Variants in THSD4 observed in about 807,000 individuals in gnomAD.
THSD4 encodes thrombospondin type-1 domain-containing protein 4.
A neutral mutation model predicts 119.0 loss-of-function variants in THSD4; 69 were observed. The ratio of observed to expected loss-of-function variants is 0.58; its 90% CI spans 0.48 to 0.71. The LOEUF is 0.71. Among genes scored for constraint, THSD4 ranks in the 30% least tolerant of loss-of-function variants. The probability of loss-of-function intolerance (pLI) is 0.00; values close to 1 mark genes in which losing one functional copy is unlikely to be tolerated. For synonymous variants in THSD4, 524 were observed against 540.4 expected (o/e 0.97, Z 0.42); for missense variants, 1,393 against 1,391.1 (o/e 1.00, Z -0.02).
chr15:71,204,312 C>G (rs141388476), intron 3 of THSD4, among the ~76,000 whole-genome samples: 1 of 152,124 alleles, frequency 6.6e-6, no homozygotes, highest in Non-Finnish European at 1.5e-5. Context: ...CTCATTGCAT[C>G]GTAGTTTTGG....
At chr15:71,246,169 C>T (rs1465853628) in intron 5 of THSD4, among the ~76,000 whole-genome samples, 1 of 152,172 alleles carries the variant, frequency 6.6e-6, no homozygotes, top group Non-Finnish European at 1.5e-5. Context: ...CTAATGATCC[C>T]TACCGTGTAG....
chr15:71,190,077 C>T (rs907735035), intron 3 of THSD4, among the ~76,000 whole-genome samples: 1 of 152,198 alleles, frequency 6.6e-6, no homozygotes, highest in Non-Finnish European at 1.5e-5. Context: ...AGCCATCCCC[C>T]CTTCCTCGAA....
intron 7 of THSD4, among the ~76,000 whole-genome samples, chr15:71,653,464 A>T (rs2051131274): frequency 6.6e-6 from 1 of 152,218 alleles, no homozygotes; most frequent in Non-Finnish European, 1.5e-5. Flanking sequence ...GTCTGGAGAC[A>T]TTTTTGTTTG....
intron 6 of THSD4, among the ~76,000 whole-genome samples, chr15:71,274,020 A>G (rs76041047): frequency 0.018 from 2,696 of 152,278 alleles, 92 homozygotes; most frequent in African/African-American, 0.062. Context: ...TCTAAGAGTC[A>G]AAGTCCTGGT....
intron 6 of THSD4, among the ~76,000 whole-genome samples, chr15:71,304,771 T>G (rs546610138): frequency 6.6e-6 from 1 of 152,316 alleles, no homozygotes; most frequent in African/African-American, 2.4e-5. Flanking sequence ...AAATGTGTAT[T>G]TGCCCCATCT....
At chr15:71,273,061 G>C (rs2044551394) in intron 6 of THSD4, among the ~76,000 whole-genome samples, 1 of 152,156 alleles carries the variant, frequency 6.6e-6, no homozygotes, top group Non-Finnish European at 1.5e-5. Flanking sequence ...CCACAGGAAT[G>C]TAAAGCAGTG....
intron 1 of THSD4, among the ~76,000 whole-genome samples, chr15:71,102,386 C>T (rs1374252515): frequency 1.3e-5 from 2 of 151,904 alleles, no homozygotes; most frequent in Non-Finnish European, 2.9e-5. Flanking sequence ...GTATTTTTTC[C>T]CACAGGCCCC....
At chr15:71,302,360 G>A (rs1339659990) in intron 6 of THSD4, among the ~76,000 whole-genome samples, 1 of 152,104 alleles carries the variant, frequency 6.6e-6, no homozygotes, top group East Asian at 1.9e-4. Context: ...AACCAAAGGG[G>A]CTGATGCAGG....
intron 6 of THSD4, among the ~76,000 whole-genome samples, chr15:71,351,706 C>T (rs939811904): frequency 8.5e-5 from 13 of 152,192 alleles, no homozygotes; most frequent in African/African-American, 3.1e-4. Flanking sequence ...ATGGTGTTCG[C>T]GTGGCCTCTC....
At chr15:71,645,249 C>T (rs760288247) in intron 7 of THSD4, among the ~76,000 whole-genome samples, 12 of 152,044 alleles carry the variant, frequency 7.9e-5, no homozygotes, top group Non-Finnish European at 1.5e-4. Flanking sequence ...AGGAAAGAGG[C>T]TTAATTGACT....
intron 7 of THSD4, among the ~76,000 whole-genome samples, chr15:71,430,099 T>G (rs1595759520): frequency 7.0e-6 from 1 of 141,848 alleles, no homozygotes; most frequent in South Asian, 2.1e-4. Flanking sequence ...GTTGTGGTGA[T>G]TTTTTTTTTT....
At chr15:71,700,233 C>G (rs911597695) in intron 8 of THSD4, among the ~76,000 whole-genome samples, 5 of 152,156 alleles carry the variant, frequency 3.3e-5, no homozygotes, top group Admixed American at 6.5e-5. Flanking sequence ...ATCATATATT[C>G]ATGACACTGT....
intron 7 of THSD4, among the ~76,000 whole-genome samples, chr15:71,481,639 TC>T (rs1446069131): frequency 6.6e-6 from 1 of 151,846 alleles, no homozygotes; most frequent in Non-Finnish European, 1.5e-5. Flanking sequence ...CTAGCCTCTT[TC>T]CCCTTTTCAT....
At chr15:71,327,778 A>G (rs1156728906) in intron 6 of THSD4, among the ~76,000 whole-genome samples, 1 of 152,164 alleles carries the variant, frequency 6.6e-6, no homozygotes, top group Non-Finnish European at 1.5e-5. Context: ...TACTCCCCAT[A>G]TCATGTGCCT....
chr15:71,367,847 A>G (rs1334032081), intron 6 of THSD4, among the ~76,000 whole-genome samples: 4 of 152,234 alleles, frequency 2.6e-5, no homozygotes, highest in African/African-American at 9.6e-5. Context: ...TAGATCCTTG[A>G]GGAATCACCA....
intron 6 of THSD4, among the ~76,000 whole-genome samples, chr15:71,340,623 T>TTTTG (rs1222741191): frequency 6.7e-6 from 1 of 150,136 alleles, no homozygotes; most frequent in Admixed American, 6.6e-5. Flanking sequence ...TTTTTTTTTT[T>TTTTG]GCGACACAGT....
chr15:71,613,866 G>A, intron 7 of THSD4, among the ~76,000 whole-genome samples: 1 of 152,146 alleles, frequency 6.6e-6, no homozygotes, highest in Admixed American at 6.5e-5. Context: ...TAGCTCATCT[G>A]GGCTTTGTAT....
chr15:71,528,722 A>T (rs998513487), intron 7 of THSD4, among the ~76,000 whole-genome samples: 3 of 152,182 alleles, frequency 2.0e-5, no homozygotes, highest in African/African-American at 7.2e-5. Context: ...ACTGATAGAG[A>T]TGATGAGACA....
At chr15:71,400,351 AAC>A (rs1345557887) in intron 6 of THSD4, among the ~76,000 whole-genome samples, 1 of 152,168 alleles carries the variant, frequency 6.6e-6, no homozygotes, top group Non-Finnish European at 1.5e-5. Context: ...ACTTTTTCAA[AAC>A]AGTTTTCTAA....
Sources: allele counts gnomAD v4.1 joint callset (sites outside exome capture counted in the v4.1 genomes callset), GRCh38; gene constraint gnomAD v4.1.1; transcripts MANE v1.5; gene names NCBI Gene and HGNC (gene_info 2026-07-23, HGNC 2026-07-21).